RNGTT: variants seen among roughly 807,000 people sequenced by gnomAD.
RNGTT encodes the protein mRNA-capping enzyme.
RNGTT carries 33 observed loss-of-function variants against 79.3 expected under a neutral mutation model. The observed-to-expected ratio is 0.42, with a 90% CI of 0.32 to 0.56. The LOEUF is 0.56. Among genes scored for constraint, RNGTT ranks in the 20% least tolerant of loss-of-function variants. The probability of loss-of-function intolerance (pLI) is 0.17; values close to 1 mark genes in which losing one functional copy is unlikely to be tolerated. For missense variants in RNGTT, 497 were observed against 739.1 expected (o/e 0.67, Z 3.80); for synonymous variants, 222 against 235.9 (o/e 0.94, Z 0.54).
At chr6:88,783,925 A>T (rs1779146610) in intron 12 of RNGTT, among the ~76,000 whole-genome samples, 1 of 152,156 alleles carries the variant, frequency 6.6e-6, no homozygotes, top group Non-Finnish European at 1.5e-5. Flanking sequence ...ACCAGTACCT[A>T]TTGATCAACT....
intron 13 of RNGTT, among the ~76,000 whole-genome samples, chr6:88,716,627 C>G (rs1163080506): frequency 6.6e-6 from 1 of 152,136 alleles, no homozygotes; most frequent in Non-Finnish European, 1.5e-5. Flanking sequence ...CCATGGAATA[C>G]TATGCAGCCA....
intron 14 of RNGTT, among the ~76,000 whole-genome samples, chr6:88,618,121 T>C (rs1488442402): frequency 2.0e-5 from 3 of 152,206 alleles, no homozygotes; most frequent in Non-Finnish European, 2.9e-5. Flanking sequence ...AATTAAGCAG[T>C]ACTATTAACT....
chr6:88,920,983 G>T (rs545590398), intron 4 of RNGTT, among the ~76,000 whole-genome samples: 1 of 152,188 alleles, frequency 6.6e-6, no homozygotes, highest in Non-Finnish European at 1.5e-5. Flanking sequence ...AGGATGTATT[G>T]CCAGTTATTT....
intron 11 of RNGTT, among the ~76,000 whole-genome samples, chr6:88,836,321 T>C (rs1007374432): frequency 6.6e-6 from 1 of 151,812 alleles, no homozygotes; most frequent in African/African-American, 2.4e-5. Flanking sequence ...ATAATAAAAA[T>C]TTTTAAATTA....
chr6:88,769,889 A>T lies in RNGTT; in HGVS notation c.1339-15T>A. The stretch of plus-strand genomic sequence containing the variant: ...GGTTTGTATTTCTAAAGCCAATTAA[A>T]ATGATGACAATCGTTACTAAGAAGT... On this transcript the variant is annotated splice_polypyrimidine_tract_variant and intron_variant, in intron 12 of 15. Transcript: ENST00000369485. The T allele has an allele frequency of 6.4e-7, 1 of 1,555,980 alleles. No homozygotes were observed. The highest frequency in any genetic ancestry group is 1.1e-5 in the South Asian group (1 of 88,214).
intron 13 of RNGTT, among the ~76,000 whole-genome samples, chr6:88,736,295 CAG>C (rs1367283025): frequency 2.0e-5 from 3 of 152,094 alleles, no homozygotes; most frequent in Admixed American, 2.0e-4. Flanking sequence ...AAAATAGAAG[CAG>C]AGAGGATACT....
intron 14 of RNGTT, among the ~76,000 whole-genome samples, chr6:88,618,988 A>T (rs1407592518): frequency 3.3e-5 from 5 of 152,104 alleles, no homozygotes; most frequent in African/African-American, 1.2e-4. Flanking sequence ...TTAATTGCTT[A>T]TCTGTATTGG....
chr6:88,661,656 A>G (rs758979774), intron 14 of RNGTT, among the ~76,000 whole-genome samples: 3 of 152,208 alleles, frequency 2.0e-5, no homozygotes, highest in African/African-American at 4.8e-5. Flanking sequence ...ACCAATAACA[A>G]GTAGTGAGAT....
At chr6:88,706,224 T>C (rs550285168) in intron 13 of RNGTT, among the ~76,000 whole-genome samples, 27 of 152,206 alleles carry the variant, frequency 1.8e-4, no homozygotes, top group African/African-American at 5.1e-4. Context: ...CATCAATGCA[T>C]TGAAGTGCTT....
intron 13 of RNGTT, among the ~76,000 whole-genome samples, chr6:88,689,594 C>CA (rs71554788): frequency 0.16 from 15,221 of 97,216 alleles, 2,888 homozygotes; most frequent in African/African-American, 0.45. Context: ...GACTCTGTCT[C>CA]AAAAAAAAAA....
intron 13 of RNGTT, among the ~76,000 whole-genome samples, chr6:88,708,438 C>A (rs1322592818): frequency 6.6e-6 from 1 of 152,012 alleles, no homozygotes; most frequent in Non-Finnish European, 1.5e-5. Context: ...GAAGTCTGAT[C>A]CTACTAGATA....
chr6:88,695,067 GA>G (rs1195667640), intron 13 of RNGTT, among the ~76,000 whole-genome samples: 6 of 151,556 alleles, frequency 4.0e-5, no homozygotes, highest in Admixed American at 6.6e-5. Flanking sequence ...AAAACTACTG[GA>G]AAAAAAATAG....
intron 10 of RNGTT, among the ~76,000 whole-genome samples, chr6:88,848,959 C>T (rs889639237): frequency 6.8e-6 from 1 of 146,404 alleles, no homozygotes; most frequent in Non-Finnish European, 1.5e-5. Flanking sequence ...TAGAAAACTG[C>T]TATCTAAGAG....
chr6:88,666,141 C>G (rs1271982648), intron 14 of RNGTT, among the ~76,000 whole-genome samples: 1 of 152,116 alleles, frequency 6.6e-6, no homozygotes, highest in Non-Finnish European at 1.5e-5. Flanking sequence ...GACATGGAAC[C>G]ATTTGAATGG....
At position 88,611,576 on chromosome 6, in the gene RNGTT, A is replaced by T. The variant is rs1172631472; in HGVS notation, c.*1143T>A. The T allele has an allele frequency of 6.6e-6, 1 of 152,324 alleles. No homozygotes were observed. The highest frequency in any genetic ancestry group is 6.5e-5 in the Admixed American group (1 of 15,278). The allele number at this position is 152,324 out of a possible 1,614,324, so 9.4% of individuals were successfully genotyped here. On this transcript the variant is annotated 3_prime_UTR_variant, in exon 16 of 16. Coordinates refer to ENST00000369485, the MANE Select transcript of RNGTT (RefSeq NM_003800.5). Reference sequence around the variant, plus strand: ...TATCAGTAAACATTTTAAAATTCAGATGTATAACAGAAATAACATCCGCAG... The same window carrying T: ...TATCAGTAAACATTTTAAAATTCAGTTGTATAACAGAAATAACATCCGCAG...
chr6:88,648,112 T>C (rs1000816754), intron 14 of RNGTT, among the ~76,000 whole-genome samples: 2 of 152,226 alleles, frequency 1.3e-5, no homozygotes, highest in Admixed American at 6.5e-5. Context: ...GTTCCATTTC[T>C]TTCTCTTAGG....
intron 10 of RNGTT, among the ~76,000 whole-genome samples, chr6:88,845,787 T>A (rs1336489968): frequency 6.6e-6 from 1 of 152,224 alleles, no homozygotes; most frequent in African/African-American, 2.4e-5. Context: ...GCACACGTTC[T>A]CTTTACATAA....
chr6:88,952,667 C>T (rs1045504068), intron 1 of RNGTT, among the ~76,000 whole-genome samples: 4 of 152,176 alleles, frequency 2.6e-5, no homozygotes, highest in South Asian at 2.1e-4. Context: ...TTGAGAAAGC[C>T]GACACATTAA....
chr6:88,732,413 T>C (rs1404505372), intron 13 of RNGTT, among the ~76,000 whole-genome samples: 1 of 152,146 alleles, frequency 6.6e-6, no homozygotes, highest in East Asian at 1.9e-4. Flanking sequence ...CTGCTGGGAA[T>C]GTACAATGGT....
Sources: gnomAD v4.1 joint callset for allele counts (sites outside exome capture counted in the v4.1 genomes callset) on GRCh38, gnomAD v4.1.1 for gene constraint, MANE v1.5 for transcripts, NCBI Gene and HGNC (gene_info 2026-07-23, HGNC 2026-07-21) for gene names.